Variants in RNF17 observed in about 807,000 individuals in gnomAD.
RNF17 encodes ring finger protein 17, also known as spermatogenesis associated 23.
Under a neutral mutation model 200.5 loss-of-function variants are expected in RNF17, and 31 were observed. That is an observed-to-expected ratio of 0.15 (90% CI 0.12 to 0.21). The LOEUF is 0.21. Ranked by LOEUF, RNF17 falls within the 10% of genes least tolerant of loss-of-function variation. The pLI is 1.00. For synonymous variants in RNF17, 606 were observed against 637.8 expected (o/e 0.95, Z 0.75); for missense variants, 1,628 against 1,905.1 (o/e 0.85, Z 2.71).
Position 24,870,695 on chromosome 13 carries a change from A to G in RNF17, c.4403A>G (p.Asn1468Ser). ...ESLDEALQRVNKKVEALPPLT... is the reference protein window; with the variant it reads ...ESLDEALQRVSKKVEALPPLT... ...CTTGATGAAGCACTGCAGAGGGTTA[A>G]TAAGAAGGTAGAGGCGCTTCCTCCT... Residue 1468 changes from asparagine (N) to serine (S), a missense_variant, in exon 32 of 36, where the codon AAT becomes AGT. By Grantham distance (46) the Asn-to-Ser change is conservative. Coordinates refer to ENST00000255324, the MANE Select transcript of RNF17 (RefSeq NM_031277.3). 1 of 1,614,212 alleles carries G rather than the reference A, an allele frequency of 6.2e-7. No homozygotes were observed. Among genetic ancestry groups the G allele is most frequent in the Non-Finnish European group, 8.5e-7 (1 of 1,180,026 alleles).
intron 9 of RNF17, among the ~76,000 whole-genome samples, chr13:24,790,758 C>T (rs2137635701): frequency 6.6e-6 from 1 of 152,250 alleles, no homozygotes; most frequent in East Asian, 1.9e-4. Flanking sequence ...GCTGTGTCCT[C>T]ACATGGCAGA....
chr13:24,846,003 A>G (rs977370366), intron 22 of RNF17, among the ~76,000 whole-genome samples: 3 of 152,144 alleles, frequency 2.0e-5, no homozygotes, highest in Non-Finnish European at 4.4e-5. Context: ...TAAGGCAGGA[A>G]CATCACTTGA....
Position 24,825,668 on chromosome 13 carries a change from A to G in RNF17, c.2141A>G (p.Tyr714Cys). ...CTATTAAAGACAATCGAGGAATTCT[A>G]TAAAAGTGAAGATGGAGAAAATCTG... Reference protein sequence around the residue: ...LFLLKTIEEFYKSEDGENLEI... With the variant: ...LFLLKTIEEFCKSEDGENLEI... Residue 714 changes from tyrosine to cysteine, a missense_variant, in exon 16 of 36, where the codon TAT (tyrosine) becomes TGT (cysteine). Tyr to Cys is a radical substitution (Grantham distance 194). This residue lies in a region of RNF17 where 289 missense variants were observed against 384.9 expected (regional missense o/e 0.75). Transcript: ENST00000255324. 2.5e-6 allele frequency: 4 copies of G among 1,608,412 alleles called. No individual in the cohort carries two copies. The highest frequency in any genetic ancestry group is 2.6e-6 in the Non-Finnish European group (3 of 1,174,950).
intron 15 of RNF17, chr13:24,824,495 T>C: frequency 3.7e-6 from 1 of 267,244 alleles, no homozygotes; most frequent in Non-Finnish European, 6.9e-6. Flanking sequence ...GAAATAGATT[T>C]CAAAATATTT....
chr13:24,799,283 C>T (rs1454322430), intron 11 of RNF17, 112 bp from the exon 12 acceptor site: 2 of 782,424 alleles, frequency 2.6e-6, no homozygotes, highest in Non-Finnish European at 4.3e-6. Context: ...GCTATATCAT[C>T]ATTAAATAAA....
chr13:24,748,327 C>G, the RNF17 span, among the ~76,000 whole-genome samples: 3 of 152,220 alleles, frequency 2.0e-5, no homozygotes, highest in Non-Finnish European at 4.4e-5. Flanking sequence ...TTGATTTACA[C>G]CTGGGGCACA....
Position 24,781,910 on chromosome 13 carries a change from C to A in RNF17, c.577C>A (p.Gln193Lys). The change falls in exon 6 of 36, where the codon CAG becomes AAG. Residue 193 changes from glutamine (Q) to lysine (K), a missense_variant. Gln to Lys is a moderately conservative substitution (Grantham distance 53). This residue lies in a region of RNF17 where 502 missense variants were observed against 501.7 expected (regional missense o/e 1.00). Coordinates refer to ENST00000255324, the MANE Select transcript of RNF17 (RefSeq NM_031277.3). The stretch of plus-strand genomic sequence containing the variant: ...AAGAGTTATAGAAGTTGTGGAGAAA[C>A]AGTTTGACCAACTTTTGGCTTTTTT... ...RERVIEVVEK[Q>K]FDQLLAFFDS... is the part of the protein sequence containing the mutation. The A allele has an allele frequency of 6.2e-7, 1 of 1,612,510 alleles. No homozygotes were observed. The highest frequency in any genetic ancestry group is 8.5e-7 in the Non-Finnish European group (1 of 1,179,486).
At position 24,850,370 on chromosome 13, in the gene RNF17, C is replaced by CA; in HGVS notation, c.3133dup (p.Thr1045AsnfsTer4). ...GCTGGTGGGAGTGACAAGTGGACAGCAACAGCTTGTGACTGTCTTTCATTG... is the reference window on the plus strand; with the variant it reads ...GCTGGTGGGAGTGACAAGTGGACAGCAAACAGCTTGTGACTGTCTTTCATTG... On this transcript the variant is annotated frameshift_variant, in exon 23 of 36. Transcript: ENST00000255324. LOFTEE classifies it high-confidence loss of function. 6.2e-7 allele frequency: 1 copy of CA among 1,613,666 alleles called. No homozygotes were observed. The highest frequency in any genetic ancestry group is 8.5e-7 in the Non-Finnish European group (1 of 1,179,762).
chr13:24,789,301 A>G lies in RNF17; in HGVS notation c.784-47A>G, dbSNP rs773234904. 9 of 1,245,918 alleles carry G rather than the reference A, an allele frequency of 7.2e-6. No homozygotes were observed. The African/African-American group carries it at 7.4e-5, about 10-fold the overall frequency. 77.2% of individuals were successfully genotyped at this position (1,245,918 alleles called of 1,614,324 possible). A position where few individuals can be genotyped will look rare whatever the true frequency, so the allele number is the denominator to read the frequency against. ...TTCTAAAATCTTACTGTTCAGCAAT[A>G]TTTGTGACAAGATTCACACATGAAT... is the stretch of plus-strand genomic sequence containing the variant. On this transcript the variant is annotated intron_variant, in intron 7 of 35. Transcript: ENST00000255324.
chr13:24,838,859 ATC>A lies in RNF17; in HGVS notation c.2483-3181_2483-3180del, dbSNP rs1406060234. On this transcript the variant is annotated intron_variant, in intron 18 of 35. Coordinates refer to ENST00000255324, the MANE Select transcript of RNF17 (RefSeq NM_031277.3). Reference sequence around the variant, plus strand: ...AGAGAAGGAAAGAAAGGGCATCCAAATCAGTAAAGAAAAAGTTAAACTGTCAC... The same window carrying A: ...AGAGAAGGAAAGAAAGGGCATCCAAAAGTAAAGAAAAAGTTAAACTGTCAC... 7.8e-4 allele frequency among the ~76,000 whole-genome samples: 119 copies of A among 152,282 alleles called. 1 individual carries two copies. The highest frequency in any genetic ancestry group is 2.6e-3 in the African/African-American group (110 of 41,574).
At chr13:24,820,427 G>T (rs1887914698) in intron 15 of RNF17, among the ~76,000 whole-genome samples, 2 of 150,306 alleles carry the variant, frequency 1.3e-5, no homozygotes, top group African/African-American at 4.9e-5. Flanking sequence ...TGGCCTTTTT[G>T]TTTTGTTTTG....
At chr13:24,764,154 G>A (rs773682197), upstream of RNF17, 8 of 1,528,644 alleles carry the variant, frequency 5.2e-6, 1 homozygote, top group South Asian at 9.8e-5. Context: ...GCTGCCGCGA[G>A]GGCCGCCGGG....
chr13:24,872,314 T>G (rs2138427089), intron 32 of RNF17, among the ~76,000 whole-genome samples: 1 of 152,292 alleles, frequency 6.6e-6, no homozygotes, highest in South Asian at 2.1e-4. Flanking sequence ...TAAAATCGCT[T>G]GAAATAAAAA....
chr13:24,872,589 C>T (rs1894416060), intron 32 of RNF17, among the ~76,000 whole-genome samples: 1 of 152,026 alleles, frequency 6.6e-6, no homozygotes, highest in Non-Finnish European at 1.5e-5. Context: ...GGAATACAAA[C>T]ATCAGTTCTG....
At position 24,778,380 on chromosome 13, in the gene RNF17, C is replaced by T. The variant is rs1020998365; in HGVS notation, c.403C>T (p.Leu135Phe). 2 of 1,612,810 alleles carry T rather than the reference C, an allele frequency of 1.2e-6. No individual in the cohort carries two copies. The highest frequency in any genetic ancestry group is 1.7e-6 in the Non-Finnish European group (2 of 1,178,796). The stretch of plus-strand genomic sequence containing the variant: ...ACGTTCAGCCTCCACAGACAAGACT[C>T]TTTTGAACTCATCAGCTGTAATGTT... The part of the protein sequence containing the change: ...LERSASTDKT[L>F]LNSSAVMLDT... The change falls in exon 4 of 36, where the codon CTT becomes TTT. Residue 135 changes from leucine to phenylalanine, a missense_variant. Leu to Phe is a conservative substitution (Grantham distance 22). This residue lies in a region of RNF17 where 502 missense variants were observed against 501.7 expected (regional missense o/e 1.00). Transcript: ENST00000255324.
intron 18 of RNF17, among the ~76,000 whole-genome samples, chr13:24,839,482 CTA>C (rs1485472992): frequency 6.6e-6 from 1 of 152,166 alleles, no homozygotes; most frequent in African/African-American, 2.4e-5. Flanking sequence ...TGATTTCAAA[CTA>C]TACTATAAGG....
At chr13:24,826,750 G>A (rs1287549590) in intron 16 of RNF17, among the ~76,000 whole-genome samples, 1 of 151,688 alleles carries the variant, frequency 6.6e-6, no homozygotes, top group Admixed American at 6.6e-5. Context: ...TCCAGCCTGG[G>A]CGACAGAGCA....
chr13:24,799,698 T>C (rs1329442065), intron 12 of RNF17, 114 bp downstream of exon 12: 1 of 644,784 alleles, frequency 1.6e-6, no homozygotes, highest in African/African-American at 1.8e-5. Context: ...CATTCTTAAC[T>C]TCCAAGACAT....
chr13:24,883,311 A>C, downstream of RNF17: 1 of 1,613,976 alleles, frequency 6.2e-7, no homozygotes, highest in Non-Finnish European at 8.5e-7. Context: ...CGTCTCTTGA[A>C]CTGGGCAGTA....
Sources: gnomAD v4.1 joint callset for allele counts (sites outside exome capture counted in the v4.1 genomes callset) on GRCh38, gnomAD v4.1.1 for gene constraint, gnomAD v4.1.1 regional missense constraint, MANE v1.5 for transcripts, NCBI Gene and HGNC (gene_info 2026-07-23, HGNC 2026-07-21) for gene names.